TBC1D22A: variants seen among roughly 807,000 people sequenced by gnomAD.
The protein encoded by TBC1D22A is TBC1 domain family member 22A.
A neutral mutation model predicts 60.2 loss-of-function variants in TBC1D22A; 38 were observed. That is an observed-to-expected ratio of 0.63 (90% CI 0.49 to 0.83). TBC1D22A has a LOEUF of 0.83. Ranked by LOEUF, TBC1D22A falls within the 40% of genes least tolerant of loss-of-function variation. The pLI is 0.00. For synonymous variants in TBC1D22A, 302 were observed against 281.7 expected (o/e 1.07, Z -0.72); for missense variants, 628 against 701.0 (o/e 0.90, Z 1.18).
At chr22:47,001,986 T>G (rs1311101034) in intron 10 of TBC1D22A, among the ~76,000 whole-genome samples, 1 of 152,220 alleles carries the variant, frequency 6.6e-6, no homozygotes, top group Non-Finnish European at 1.5e-5. Flanking sequence ...AAAGAGGGTA[T>G]GCTGTTCTTT....
At chr22:47,114,852 G>A (rs962062648) in intron 12 of TBC1D22A, among the ~76,000 whole-genome samples, 12 of 152,148 alleles carry the variant, frequency 7.9e-5, no homozygotes, top group Non-Finnish European at 1.5e-5. Context: ...CCAGGGAGGG[G>A]GCGATGGGTC....
At chr22:46,924,566 G>A (rs1419762754) in intron 8 of TBC1D22A, among the ~76,000 whole-genome samples, 3 of 152,150 alleles carry the variant, frequency 2.0e-5, no homozygotes, top group Non-Finnish European at 4.4e-5. Flanking sequence ...CCAACGTGGT[G>A]AAACCCCTTC....
At chr22:46,851,168 A>G (rs979743928) in intron 4 of TBC1D22A, among the ~76,000 whole-genome samples, 1 of 152,208 alleles carries the variant, frequency 6.6e-6, no homozygotes, top group Admixed American at 6.5e-5. Context: ...AATTCAAAAC[A>G]TACCTGTTGG....
chr22:46,860,077 C>T (rs1300145832), intron 4 of TBC1D22A, among the ~76,000 whole-genome samples: 1 of 12,342 alleles, frequency 8.1e-5, no homozygotes, highest in African/African-American at 1.4e-3. Flanking sequence ...TGCCCCTTCC[C>T]GGGACCAGAA....
intron 4 of TBC1D22A, among the ~76,000 whole-genome samples, chr22:46,826,075 G>T: frequency 6.6e-6 from 1 of 152,010 alleles, no homozygotes; most frequent in Admixed American, 6.6e-5. Flanking sequence ...GTGAGATGGG[G>T]TTTCACCGTG....
chr22:46,870,092 A>G (rs1022119546), intron 4 of TBC1D22A, among the ~76,000 whole-genome samples: 1 of 152,160 alleles, frequency 6.6e-6, no homozygotes, highest in African/African-American at 2.4e-5. Context: ...ATGTTTCCCC[A>G]TGTATTGTCT....
At chr22:47,124,782 G>A (rs994306111) in intron 12 of TBC1D22A, among the ~76,000 whole-genome samples, 9 of 151,952 alleles carry the variant, frequency 5.9e-5, no homozygotes, top group African/African-American at 2.2e-4. Context: ...GGAAGCAGGT[G>A]ATGAGTTTGG....
At chr22:46,888,031 A>C (rs1326866867) in intron 5 of TBC1D22A, among the ~76,000 whole-genome samples, 1 of 152,168 alleles carries the variant, frequency 6.6e-6, no homozygotes, top group Non-Finnish European at 1.5e-5. Flanking sequence ...CTTTCAGGTC[A>C]GCTTTTCTCA....
rs556758194 is a variant in TBC1D22A, at chr22:46,815,995, G to A, written c.637+18375G>A. Among the ~76,000 whole-genome samples, 10 of 152,298 alleles carry A rather than the reference G, an allele frequency of 6.6e-5. No homozygotes were observed. In the South Asian group the frequency reaches 1.2e-3, roughly 19 times the overall value. ...AGCCTTGGGGAGGGCTCTGGGGAAC[G>A]AGAAGCAGATTGGATTTTACCCTGC... On this transcript the variant is annotated intron_variant, in intron 4 of 12. Coordinates refer to ENST00000337137, the MANE Select transcript of TBC1D22A (RefSeq NM_014346.5).
chr22:46,775,815 G>A (rs546743252), intron 1 of TBC1D22A, among the ~76,000 whole-genome samples: 1 of 152,228 alleles, frequency 6.6e-6, no homozygotes, highest in East Asian at 1.9e-4. Context: ...GGGTTTTGTC[G>A]TGAGAGAATG....
intron 10 of TBC1D22A, among the ~76,000 whole-genome samples, chr22:47,030,909 C>T (rs935607722): frequency 6.6e-5 from 10 of 152,228 alleles, no homozygotes; most frequent in African/African-American, 1.4e-4. Flanking sequence ...ATGCACGTCC[C>T]GGCGGGGTGA....
At chr22:47,107,055 T>C (rs931694251) in intron 11 of TBC1D22A, among the ~76,000 whole-genome samples, 3 of 152,268 alleles carry the variant, frequency 2.0e-5, no homozygotes, top group African/African-American at 7.2e-5. Flanking sequence ...TAAAATATTC[T>C]TAATTTTTTG....
intron 4 of TBC1D22A, among the ~76,000 whole-genome samples, chr22:46,826,127 C>T (rs1172984827): frequency 6.6e-6 from 1 of 152,034 alleles, no homozygotes; most frequent in African/African-American, 2.4e-5. Flanking sequence ...GTGATCCGCC[C>T]ACCTTGGCCT....
intron 11 of TBC1D22A, among the ~76,000 whole-genome samples, chr22:47,060,457 G>A (rs1197895051): frequency 6.6e-6 from 1 of 151,950 alleles, no homozygotes; most frequent in African/African-American, 2.4e-5. Flanking sequence ...CTGAGATGGA[G>A]TCTCGCTCTG....
At chr22:47,041,629 G>C (rs2062846806) in intron 11 of TBC1D22A, among the ~76,000 whole-genome samples, 1 of 152,214 alleles carries the variant, frequency 6.6e-6, no homozygotes. Context: ...GGCTCGGATG[G>C]AGGGCGTTTC....
intron 4 of TBC1D22A, among the ~76,000 whole-genome samples, chr22:46,836,095 A>G (rs1286573179): frequency 2.0e-5 from 3 of 152,220 alleles, no homozygotes; most frequent in Non-Finnish European, 4.4e-5. Context: ...TTGAAATGAA[A>G]GGATGTTAAT....
chr22:46,804,882 G>T (rs900749595), intron 4 of TBC1D22A, among the ~76,000 whole-genome samples: 1 of 152,128 alleles, frequency 6.6e-6, no homozygotes, highest in Non-Finnish European at 1.5e-5. Flanking sequence ...CTTATCTGTT[G>T]CATGTTTGTC....
chr22:46,763,456 C>T (rs530995935), intron 1 of TBC1D22A: 2 of 118,996 alleles, frequency 1.7e-5, no homozygotes, highest in African/African-American at 6.6e-5. Flanking sequence ...TGGGTACACC[C>T]TAGATGCTAT....
At chr22:46,878,772 A>C in intron 5 of TBC1D22A, 49 bp downstream of exon 5, 1 of 1,583,970 alleles carries the variant, frequency 6.3e-7, no homozygotes, top group East Asian at 2.2e-5. Flanking sequence ...GTGCACAGGG[A>C]CTGCAGGCGT....
Sources: allele counts gnomAD v4.1 joint callset (sites outside exome capture counted in the v4.1 genomes callset), GRCh38; gene constraint gnomAD v4.1.1; transcripts MANE v1.5; gene names NCBI Gene and HGNC (gene_info 2026-07-23, HGNC 2026-07-21).